The following CPA5 variants were observed in gnomAD, a reference collection of about 807,000 sequenced individuals.
The protein encoded by CPA5 is carboxypeptidase A5, also known as testicular tissue protein Li 32.
Under a neutral mutation model 52.2 loss-of-function variants are expected in CPA5, and 38 were observed. The ratio of observed to expected loss-of-function variants is 0.73; its 90% CI spans 0.56 to 0.95. The LOEUF is 0.95. Among genes scored for constraint, CPA5 ranks in the 40% least tolerant of loss-of-function variants. The pLI is 0.00. For synonymous variants in CPA5, 198 were observed against 213.7 expected (o/e 0.93, Z 0.64); for missense variants, 519 against 566.7 (o/e 0.92, Z 0.86).
intron 4 of CPA5, 78 bp downstream of exon 4, chr7:130,347,925 C>T (rs955958554): frequency 3.6e-6 from 4 of 1,120,432 alleles, no homozygotes; most frequent in East Asian, 2.5e-5. Context: ...TCCTGCCCCC[C>T]TTTATCCCAA....
chr7:130,354,774 A>C (rs2117358627), intron 5 of CPA5, among the ~76,000 whole-genome samples: 1 of 151,828 alleles, frequency 6.6e-6, no homozygotes, highest in Admixed American at 6.6e-5. Flanking sequence ...GGTGGAGTAA[A>C]GTGGCTATTC....
downstream of CPA5, among the ~76,000 whole-genome samples, chr7:130,369,527 G>C (rs1554409638): frequency 1.3e-5 from 2 of 152,214 alleles, no homozygotes; most frequent in Non-Finnish European, 2.9e-5. Flanking sequence ...ATAACCCCTA[G>C]AAACAGGAAG....
intron 5 of CPA5, among the ~76,000 whole-genome samples, chr7:130,356,769 C>CGA (rs1795499150): frequency 6.6e-6 from 1 of 152,030 alleles, no homozygotes; most frequent in Admixed American, 6.5e-5. Context: ...TCTTCTAGTC[C>CGA]TTTCTTTTTC....
intron 5 of CPA5, among the ~76,000 whole-genome samples, chr7:130,351,614 A>G (rs1300095683): frequency 6.6e-6 from 1 of 152,086 alleles, no homozygotes; most frequent in Non-Finnish European, 1.5e-5. Flanking sequence ...ACTTGAGATC[A>G]TATTTTGGCT....
At chr7:130,358,934 C>T (rs1422079597) in intron 5 of CPA5, among the ~76,000 whole-genome samples, 1 of 152,200 alleles carries the variant, frequency 6.6e-6, no homozygotes, top group Non-Finnish European at 1.5e-5. Flanking sequence ...TTTGGCTCAT[C>T]AAGACTTGTG....
downstream of CPA5, among the ~76,000 whole-genome samples, chr7:130,369,046 G>A (rs1268908217): frequency 6.6e-6 from 1 of 152,190 alleles, no homozygotes; most frequent in African/African-American, 2.4e-5. Flanking sequence ...GGTTGGCCCA[G>A]ACAGGCCACC....
At chr7:130,364,868 C>T (rs1554407768) in intron 10 of CPA5, among the ~76,000 whole-genome samples, 1 of 152,102 alleles carries the variant, frequency 6.6e-6, no homozygotes, top group Non-Finnish European at 1.5e-5. Flanking sequence ...GTCCATGGAC[C>T]CTGGAAATAC....
At chr7:130,360,321 G>A (rs1795726698) in intron 6 of CPA5, among the ~76,000 whole-genome samples, 1 of 152,266 alleles carries the variant, frequency 6.6e-6, no homozygotes, top group Non-Finnish European at 1.5e-5. Context: ...TATATAATAT[G>A]AGGGGCAGGA....
At chr7:130,367,873 C>A (rs782811042) in intron 11 of CPA5, 33 bp from the exon 12 acceptor site, 2 of 1,596,052 alleles carry the variant, frequency 1.3e-6, no homozygotes, top group South Asian at 2.2e-5. Context: ...CCGGGGAGCC[C>A]CTGCCTTTCA....
intron 5 of CPA5, among the ~76,000 whole-genome samples, chr7:130,356,246 GCC>G (rs2117370999): frequency 6.6e-6 from 1 of 152,280 alleles, no homozygotes; most frequent in Non-Finnish European, 1.5e-5. Flanking sequence ...CTCCTCCCCT[GCC>G]CAACCCGGGA....
At chr7:130,363,328 G>T (rs1795896070) in intron 9 of CPA5, 91 bp from the exon 10 acceptor site, 3 of 1,075,968 alleles carry the variant, frequency 2.8e-6, no homozygotes, top group Admixed American at 2.2e-5. Flanking sequence ...GCCCCACTAG[G>T]GTCCCCTACC....
chr7:130,350,438 G>A (rs894904699), intron 5 of CPA5, among the ~76,000 whole-genome samples: 2 of 152,306 alleles, frequency 1.3e-5, no homozygotes, highest in South Asian at 2.1e-4. Flanking sequence ...CCCAGGCACC[G>A]TGGGAAGGTG....
At chr7:130,353,887 CA>C (rs1206532067) in intron 5 of CPA5, among the ~76,000 whole-genome samples, 1 of 152,140 alleles carries the variant, frequency 6.6e-6, no homozygotes, top group Non-Finnish European at 1.5e-5. Flanking sequence ...GAGTAGAAGC[CA>C]AAGCCCTTGC....
At position 130,361,160 on chromosome 7, in the gene CPA5, C is replaced by G. The variant is rs567779414; in HGVS notation, c.450C>G (p.Asp150Glu). ...HTLEEIYSWI[D>E]NFVMEHSDIV... ...CCTTTCAGATATATAGCTGGATTGA[C>G]AACTTTGTAATGGAGCATTCCGATA... Residue 150 changes from aspartate to glutamate, a missense_variant, in exon 7 of 13, where the codon GAC becomes GAG. Physicochemically the swap from Asp to Glu is conservative, Grantham distance 45 (BLOSUM62 2). Transcript: ENST00000474905. 7 of 1,613,144 alleles carry G rather than the reference C, an allele frequency of 4.3e-6. No homozygotes were observed. The South Asian group carries it at 6.6e-5, about 15-fold the overall frequency.
chr7:130,358,119 A>G (rs1795592484), intron 5 of CPA5, among the ~76,000 whole-genome samples: 1 of 151,992 alleles, frequency 6.6e-6, no homozygotes, highest in Admixed American at 6.6e-5. Flanking sequence ...CCTCAGCTTA[A>G]GTAGATGGGA....
intron 5 of CPA5, among the ~76,000 whole-genome samples, chr7:130,353,495 A>G (rs1251927879): frequency 1.3e-5 from 2 of 152,074 alleles, no homozygotes; most frequent in East Asian, 3.9e-4. Flanking sequence ...GGCATCTCCA[A>G]CTTTCCAGGT....
At chr7:130,361,101 T>C (rs1795765965) in intron 6 of CPA5, 42 bp from the exon 7 acceptor site, 2 of 1,307,910 alleles carry the variant, frequency 1.5e-6, no homozygotes, top group Non-Finnish European at 2.2e-6. Flanking sequence ...TTCATCCCTC[T>C]TCCTGCTTAA....
At chr7:130,354,279 T>A (rs1293813128) in intron 5 of CPA5, among the ~76,000 whole-genome samples, 2 of 152,194 alleles carry the variant, frequency 1.3e-5, no homozygotes. Flanking sequence ...CAACTTCCTC[T>A]TTCTTTCCCA....
At chr7:130,351,574 T>C (rs1795145384) in intron 5 of CPA5, among the ~76,000 whole-genome samples, 1 of 152,164 alleles carries the variant, frequency 6.6e-6, no homozygotes, top group African/African-American at 2.4e-5. Context: ...CAACTCGCTC[T>C]TCCTGCAGGG....
Sources: allele counts gnomAD v4.1 joint callset (sites outside exome capture counted in the v4.1 genomes callset), GRCh38; gene constraint gnomAD v4.1.1; transcripts MANE v1.5; gene names NCBI Gene and HGNC (gene_info 2026-07-23, HGNC 2026-07-21).